The following TPT1 variants were observed in gnomAD, a reference collection of about 807,000 sequenced individuals.
TPT1 encodes tumor protein, translationally-controlled 1, also known as translationally-controlled tumor protein.
A neutral mutation model predicts 22.8 loss-of-function variants in TPT1; 5 were observed. The ratio of observed to expected loss-of-function variants is 0.22; its 90% CI spans 0.11 to 0.46. The LOEUF (loss-of-function observed/expected upper bound fraction) is 0.46. Ranked by LOEUF, TPT1 falls within the 20% of genes least tolerant of loss-of-function variation. TPT1 has a pLI of 0.99. For synonymous variants in TPT1, 89 were observed against 73.6 expected (o/e 1.21, Z -1.07); for missense variants, 130 against 218.7 (o/e 0.59, Z 2.56).
At position 45,338,643 on chromosome 13, in the gene TPT1, C is replaced by A. The variant is rs1268082375; in HGVS notation, c.516+17G>T. The A allele has an allele frequency of 1.9e-6, 3 of 1,604,512 alleles. No individual in the cohort carries two copies. The highest frequency in any genetic ancestry group is 2.5e-6 in the Non-Finnish European group (3 of 1,177,614). On this transcript the variant is annotated intron_variant, in intron 5 of 5. Coordinates refer to ENST00000530705, the MANE Select transcript of TPT1 (RefSeq NM_003295.4). Reference sequence around the variant, plus strand: ...CTTTTTTACATTATTTATTTTAACCCACTTCCTTGTACTTACACATTTTTC... The same window carrying A: ...CTTTTTTACATTATTTATTTTAACCAACTTCCTTGTACTTACACATTTTTC...
chr13:45,339,732 T>C, intron 3 of TPT1, 130 bp from the exon 4 acceptor site: 4 of 814,810 alleles, frequency 4.9e-6, no homozygotes, highest in South Asian at 1.8e-5. Context: ...AAATTACTAG[T>C]TCACAGAAGG....
Position 45,337,365 on chromosome 13 carries a change from C to G in TPT1, c.*21G>C. The G allele has an allele frequency of 1.9e-6, 3 of 1,613,444 alleles. No individual in the cohort carries two copies. Among genetic ancestry groups the G allele is most frequent in the Non-Finnish European group, 2.5e-6 (3 of 1,179,576 alleles). ...CCAGTTATGATGACAGGTGATAGAT[C>G]CAAAATAATTGCCACATTTGTTACT... is the stretch of plus-strand genomic sequence containing the variant. On this transcript the variant is annotated 3_prime_UTR_variant, in exon 6 of 6. Coordinates refer to ENST00000530705, the MANE Select transcript of TPT1 (RefSeq NM_003295.4).
chr13:45,334,408 ATTG>A lies in TPT1; in HGVS notation c.*2975_*2977del, dbSNP rs1373472683. On this transcript the variant is annotated 3_prime_UTR_variant, in exon 6 of 6. Transcript: ENST00000530705. ...TCCTGTATCATGGCTTTCAATGTCT[ATTG>A]TTATCTTTCCACTCTCTATATAGTT... is the stretch of plus-strand genomic sequence containing the variant. The A allele has an allele frequency of 1.3e-5, 2 of 152,176 alleles. No homozygotes were observed. Among genetic ancestry groups the A allele is most frequent in the Non-Finnish European group, 2.9e-5 (2 of 68,036 alleles). The allele number at this position is 152,176 out of a possible 1,614,324, so 9.4% of individuals were successfully genotyped here.
rs1878857757 is a variant in TPT1, at chr13:45,338,412, C to T, written c.516+248G>A. ...GAAATTACAGGTGTGAGCCACCACA[C>T]CCAGCCTAAACTGTACTTTATTATG... is the stretch of plus-strand genomic sequence containing the variant. On this transcript the variant is annotated intron_variant, in intron 5 of 5. Coordinates refer to ENST00000530705, the MANE Select transcript of TPT1 (RefSeq NM_003295.4). The T allele has an allele frequency of 4.7e-6, 3 of 632,928 alleles. No individual in the cohort carries two copies. The South Asian group carries it at 9.7e-5, about 21-fold the overall frequency. The allele number at this position is 632,928 out of a possible 1,614,324, so 39.2% of individuals were successfully genotyped here. A position where few individuals can be genotyped will look rare whatever the true frequency, so the allele number is the denominator to read the frequency against.
Position 45,337,210 on chromosome 13 carries a change from A to G in TPT1, c.*176T>C, listed in dbSNP as rs1371641278. On this transcript the variant is annotated 3_prime_UTR_variant, in exon 6 of 6. Coordinates refer to ENST00000530705, the MANE Select transcript of TPT1 (RefSeq NM_003295.4). Reference sequence around the variant, plus strand: ...AATGCATTTTATTTTTAGACAACCTACATGACATGTTTTTCTTAAAAACAA... The same window carrying G: ...AATGCATTTTATTTTTAGACAACCTGCATGACATGTTTTTCTTAAAAACAA... 4 of 663,220 alleles carry G rather than the reference A, an allele frequency of 6.0e-6. No individual in the cohort carries two copies. Among genetic ancestry groups the G allele is most frequent in the African/African-American group, 1.8e-5 (1 of 54,820 alleles). 41.1% of individuals were successfully genotyped at this position (663,220 alleles called of 1,614,324 possible).
chr13:45,339,698 T>C (rs1171770543), intron 3 of TPT1, 96 bp from the exon 4 acceptor site: 17 of 1,155,480 alleles, frequency 1.5e-5, no homozygotes, highest in Non-Finnish European at 2.0e-5. Context: ...AAGAAAACAC[T>C]GAAAAAGGCA....
chr13:45,339,078 G>A (rs1188423725), intron 4 of TPT1: 6 of 318,768 alleles, frequency 1.9e-5, no homozygotes, highest in Non-Finnish European at 3.4e-5. Context: ...CAACCACAGG[G>A]AACATAAGGC....
At chr13:45,340,876 C>T in intron 1 of TPT1, 91 bp from the exon 2 acceptor site, 4 of 1,458,930 alleles carry the variant, frequency 2.7e-6, no homozygotes, top group Admixed American at 2.8e-5. Context: ...GGGATCTGCC[C>T]CTCCGTAGCA....
chr13:45,339,157 A>G (rs968914192), intron 4 of TPT1: 1 of 302,196 alleles, frequency 3.3e-6, no homozygotes, highest in Non-Finnish European at 6.1e-6. Context: ...AAGCTGGAAA[A>G]TTAGAGGAAA....
Position 45,337,302 on chromosome 13 carries a change from G to C in TPT1, c.*84C>G. ...GCTCAAGATGACATCAGTCCCATTTGTCTTAAGTCCTGGTGTTGTGTGGAT... is the reference window on the plus strand; with the variant it reads ...GCTCAAGATGACATCAGTCCCATTTCTCTTAAGTCCTGGTGTTGTGTGGAT... On this transcript the variant is annotated 3_prime_UTR_variant, in exon 6 of 6. Transcript: ENST00000530705. The C allele has an allele frequency of 7.6e-7, 1 of 1,322,922 alleles. No homozygotes were observed. Among genetic ancestry groups the C allele is most frequent in the Non-Finnish European group, 1.1e-6 (1 of 918,518 alleles). The allele number at this position is 1,322,922 out of a possible 1,614,324, so 81.9% of individuals were successfully genotyped here. A position where few individuals can be genotyped will look rare whatever the true frequency, so the allele number is the denominator to read the frequency against.
chr13:45,340,999 G>A, intron 1 of TPT1, 43 bp downstream of exon 1: 1 of 1,598,492 alleles, frequency 6.3e-7, no homozygotes, highest in South Asian at 1.1e-5. Flanking sequence ...CCGCACCCCA[G>A]ACCCCCGTGT....
rs1462672966 is a variant in TPT1, at chr13:45,337,344, T to C, written c.*42A>G. 6.2e-7 allele frequency: 1 copy of C among 1,604,002 alleles called. No individual in the cohort carries two copies. The highest frequency in any genetic ancestry group is 1.1e-5 in the South Asian group (1 of 90,824). On this transcript the variant is annotated 3_prime_UTR_variant, in exon 6 of 6. Coordinates refer to ENST00000530705, the MANE Select transcript of TPT1 (RefSeq NM_003295.4). ...TGTGTGGATGACAAGCAGAAGCCAG[T>C]TATGATGACAGGTGATAGATCCAAA...
chr13:45,338,992 G>C (rs1034073310), intron 4 of TPT1: 3 of 440,766 alleles, frequency 6.8e-6, no homozygotes, highest in Admixed American at 4.1e-5. Context: ...GAGCAATCCA[G>C]GAACACTAGG....
At chr13:45,337,828 C>T (rs537974554) in intron 5 of TPT1, among the ~76,000 whole-genome samples, 9 of 152,310 alleles carry the variant, frequency 5.9e-5, no homozygotes, top group Admixed American at 1.3e-4. Context: ...CCTATGAAAA[C>T]TAGGATAATG....
rs951631510 is a variant in TPT1, at chr13:45,336,683, C to T, written c.*703G>A. On this transcript the variant is annotated 3_prime_UTR_variant, in exon 6 of 6. Transcript: ENST00000530705. The stretch of plus-strand genomic sequence containing the variant: ...TAAAACTGGACTCGAACTTAAATTC[C>T]ATATCCCACAAGGTATTCTTTTCCC... 1.3e-5 allele frequency: 2 copies of T among 152,246 alleles called. No individual in the cohort carries two copies. The highest frequency in any genetic ancestry group is 4.8e-5 in the African/African-American group (2 of 41,448). 9.4% of individuals were successfully genotyped at this position (152,246 alleles called of 1,614,324 possible).
intron 1 of TPT1, 112 bp downstream of exon 1, chr13:45,340,930 T>C: frequency 1.3e-6 from 2 of 1,529,638 alleles, no homozygotes; most frequent in East Asian, 2.5e-5. Context: ...CCCTCCGCGC[T>C]CGGCTAAGAC....
intron 1 of TPT1, 63 bp from the exon 2 acceptor site, chr13:45,340,848 G>A (rs1325999261): frequency 2.7e-6 from 4 of 1,475,564 alleles, no homozygotes; most frequent in Non-Finnish European, 1.8e-6. Context: ...CGCATTTCCC[G>A]CGCCGGCGGC....
At chr13:45,337,956 G>A (rs905970090) in intron 5 of TPT1, among the ~76,000 whole-genome samples, 1 of 150,504 alleles carries the variant, frequency 6.6e-6, no homozygotes, top group African/African-American at 2.5e-5. Flanking sequence ...TACTAAGCTA[G>A]TACTGCACTA....
In TPT1 at chr13:45,340,763, G is replaced by A. The variant is rs11552493; in HGVS notation, c.51C>T (p.Ile17=). The A allele has an allele frequency of 2.0e-6, 3 of 1,517,606 alleles. No individual in the cohort carries two copies. Among genetic ancestry groups the A allele is most frequent in the Non-Finnish European group, 2.6e-6 (3 of 1,133,900 alleles). 94.0% of individuals were successfully genotyped at this position (1,517,606 alleles called of 1,614,324 possible). A position where few individuals can be genotyped will look rare whatever the true frequency, so the allele number is the denominator to read the frequency against. ...LISHDEMFSD[I]YKIREIADGL... ...CGTCCGCGATCTCCCGGATCTTGTA[G>A]ATGTCGGAGAACATCTCATCGTCTG... is the stretch of plus-strand genomic sequence containing the variant. The change falls in exon 2 of 6, where the codon ATC becomes ATT. Residue 17 remains isoleucine, a synonymous_variant. Transcript: ENST00000530705.
Sources: gnomAD v4.1 joint callset for allele counts (sites outside exome capture counted in the v4.1 genomes callset) on GRCh38, gnomAD v4.1.1 for gene constraint, MANE v1.5 for transcripts, NCBI Gene and HGNC (gene_info 2026-07-23, HGNC 2026-07-21) for gene names.